The following SHISAL1 variants were observed in gnomAD, a reference collection of about 807,000 sequenced individuals.
SHISAL1 encodes protein shisa-like-1.
SHISAL1 carries 9 observed loss-of-function variants against 22.6 expected under a neutral mutation model. That is an observed-to-expected ratio of 0.40 (90% CI 0.24 to 0.70). The LOEUF is 0.70. SHISAL1 is among the 30% of genes least tolerant of loss of function. The probability of loss-of-function intolerance (pLI) is 0.39; values close to 1 mark genes in which losing one functional copy is unlikely to be tolerated. For missense variants in SHISAL1, 246 were observed against 270.6 expected (o/e 0.91, Z 0.64); for synonymous variants, 119 against 115.4 (o/e 1.03, Z -0.20).
intron 4 of SHISAL1, 67 bp downstream of exon 4, chr22:44,285,361 G>A (rs1476963973): frequency 2.0e-6 from 3 of 1,492,884 alleles, no homozygotes; most frequent in African/African-American, 2.8e-5. Flanking sequence ...GAGAGTGATG[G>A]CGTATTCTCC....
chr22:44,307,832 T>C lies in SHISAL1; in HGVS notation c.-33+4919A>G, dbSNP rs562710508. 6.6e-5 allele frequency among the ~76,000 whole-genome samples: 10 copies of C among 152,328 alleles called. 1 individual carries two copies. The South Asian group carries it at 2.1e-3, about 32-fold the overall frequency. On this transcript the variant is annotated intron_variant, in intron 1 of 4. Transcript: ENST00000381176. ...ACCCCACCAGGAACAGCAACGGATC[T>C]GTTTTTGTGTCAGCCAGGTTCGGCA...
chr22:44,256,543 C>A (rs1449329947), intron 4 of SHISAL1, among the ~76,000 whole-genome samples: 1 of 152,212 alleles, frequency 6.6e-6, no homozygotes, highest in Non-Finnish European at 1.5e-5. Flanking sequence ...AAGGCTGAAT[C>A]CCTGATCTCC....
At chr22:44,296,592 C>T in intron 3 of SHISAL1, 80 bp downstream of exon 3, 1 of 1,320,000 alleles carries the variant, frequency 7.6e-7, no homozygotes, top group South Asian at 1.2e-5. Flanking sequence ...AACCGCCTCC[C>T]TAGGGGACGC....
At chr22:44,287,814 C>T (rs2055326818) in intron 3 of SHISAL1, among the ~76,000 whole-genome samples, 1 of 152,144 alleles carries the variant, frequency 6.6e-6, no homozygotes, top group Non-Finnish European at 1.5e-5. Flanking sequence ...AGGCCTGGCT[C>T]CAGTTCCCAG....
the SHISAL1 span, among the ~76,000 whole-genome samples, chr22:44,326,861 A>G: frequency 6.6e-6 from 1 of 152,090 alleles, no homozygotes; most frequent in South Asian, 2.1e-4. Flanking sequence ...GCCCTTTCCT[A>G]AAAGGAGTGC....
chr22:44,288,518 G>A (rs1460528983), intron 3 of SHISAL1, among the ~76,000 whole-genome samples: 2 of 152,204 alleles, frequency 1.3e-5, no homozygotes, highest in Non-Finnish European at 1.5e-5. Context: ...GCGGGCGCCT[G>A]TAATCCCAGC....
At chr22:44,269,537 A>C (rs1032215793) in intron 4 of SHISAL1, among the ~76,000 whole-genome samples, 4 of 126,600 alleles carry the variant, frequency 3.2e-5, no homozygotes, top group African/African-American at 8.9e-5. Flanking sequence ...ATACACACAC[A>C]CCATGCCACA....
At chr22:44,305,668 A>T (rs1196629109) in intron 1 of SHISAL1, among the ~76,000 whole-genome samples, 1 of 152,212 alleles carries the variant, frequency 6.6e-6, no homozygotes, top group Non-Finnish European at 1.5e-5. Context: ...TGCACACTGC[A>T]GGTGTCCCTG....
At chr22:44,296,990 C>A in intron 2 of SHISAL1, 105 bp from the exon 3 acceptor site, 1 of 856,402 alleles carries the variant, frequency 1.2e-6, no homozygotes, top group Non-Finnish European at 1.9e-6. Flanking sequence ...CTGCTTCTTC[C>A]CTCCCCTGGA....
At chr22:44,291,561 G>A (rs962182286) in intron 3 of SHISAL1, among the ~76,000 whole-genome samples, 1 of 148,448 alleles carries the variant, frequency 6.7e-6, no homozygotes, top group Non-Finnish European at 1.5e-5. Context: ...CCCTGGGGAA[G>A]GGCAAAGCTT....
intron 4 of SHISAL1, among the ~76,000 whole-genome samples, chr22:44,263,132 G>A (rs5764674): frequency 0.097 from 12,811 of 131,776 alleles, 1,089 homozygotes; most frequent in African/African-American, 0.24. Flanking sequence ...AGGCAATAGC[G>A]CAATCTTGGC....
Position 44,302,271 on chromosome 22 carries a change from T to C in SHISAL1, c.-32-1294A>G, listed in dbSNP as rs1384966785. On this transcript the variant is annotated intron_variant, in intron 1 of 4. Transcript: ENST00000381176. ...GGGAGAACAGCTTGAACCTGGGAGGTGGAGGCTGCAGTGAGCTGAGATCAC... is the reference window on the plus strand; with the variant it reads ...GGGAGAACAGCTTGAACCTGGGAGGCGGAGGCTGCAGTGAGCTGAGATCAC... Among the ~76,000 whole-genome samples the C allele has an allele frequency of 8.5e-5, 11 of 130,046 alleles. No individual in the cohort carries two copies. In the East Asian group the frequency reaches 1.4e-3, roughly 16 times the overall value. The allele number at this position is 130,046 out of a possible 152,430, so 85.3% of individuals were successfully genotyped here. A position where few individuals can be genotyped will look rare whatever the true frequency, so the allele number is the denominator to read the frequency against.
chr22:44,292,667 C>T (rs1183597012), intron 3 of SHISAL1, among the ~76,000 whole-genome samples: 3 of 152,186 alleles, frequency 2.0e-5, no homozygotes, highest in South Asian at 4.1e-4. Context: ...TGACCCAGGA[C>T]TTCAGCCCTG....
the SHISAL1 span, among the ~76,000 whole-genome samples, chr22:44,330,763 G>A: frequency 6.6e-6 from 1 of 152,100 alleles, no homozygotes; most frequent in Non-Finnish European, 1.5e-5. Flanking sequence ...TCGTTGCCAT[G>A]GCAACCACGG....
At chr22:44,329,047 G>A in the SHISAL1 span, among the ~76,000 whole-genome samples, 1 of 152,208 alleles carries the variant, frequency 6.6e-6, no homozygotes. Context: ...CCAAAGGACA[G>A]GTGCCTACCG....
intron 4 of SHISAL1, among the ~76,000 whole-genome samples, chr22:44,280,020 T>C (rs996331705): frequency 6.6e-6 from 1 of 152,138 alleles, no homozygotes; most frequent in Non-Finnish European, 1.5e-5. Context: ...CTGCGAGGGC[T>C]TGGGGGCTGG....
intron 4 of SHISAL1, among the ~76,000 whole-genome samples, chr22:44,254,514 C>T (rs1569207067): frequency 1.3e-5 from 2 of 152,122 alleles, no homozygotes; most frequent in South Asian, 2.1e-4. Context: ...GTGTGCACCA[C>T]CACACCTAGC....
chr22:44,260,701 C>T (rs135437), intron 4 of SHISAL1, among the ~76,000 whole-genome samples: 100,799 of 152,152 alleles, frequency 0.66, 33,405 homozygotes, highest in South Asian at 0.67. Flanking sequence ...CTTCTTGGCC[C>T]GTGGTGGCCC....
At chr22:44,278,572 C>T (rs2055255500) in intron 4 of SHISAL1, among the ~76,000 whole-genome samples, 1 of 152,128 alleles carries the variant, frequency 6.6e-6, no homozygotes, top group African/African-American at 2.4e-5. Context: ...ACCGCAGCCC[C>T]CAGGGGCGGC....
Sources: gnomAD v4.1 joint callset for allele counts (sites outside exome capture counted in the v4.1 genomes callset) on GRCh38, gnomAD v4.1.1 for gene constraint, MANE v1.5 for transcripts, NCBI Gene and HGNC (gene_info 2026-07-23, HGNC 2026-07-21) for gene names.